The following STXBP6 variants were observed in gnomAD, a reference collection of about 807,000 sequenced individuals.
STXBP6 encodes syntaxin-binding protein 6.
In STXBP6, 21 loss-of-function variants were observed where a neutral mutation model predicts 26.9. The observed-to-expected ratio is 0.78, with a 90% CI of 0.55 to 1.12. STXBP6 has a LOEUF of 1.12. Ranked by LOEUF, STXBP6 falls within the 50% of genes most tolerant of loss-of-function variation. STXBP6 has a pLI of 0.00. For missense variants in STXBP6, 232 were observed against 257.9 expected, an observed-to-expected ratio of 0.90 and a Z score of 0.69; for synonymous variants, 97 against 92.6, an observed-to-expected ratio of 1.05 and a Z score of -0.27.
At chr14:24,960,828 C>T (rs74330991) in intron 2 of STXBP6, among the ~76,000 whole-genome samples, 26,422 of 152,214 alleles carry the variant, frequency 0.17, 2,429 homozygotes, top group African/African-American at 0.23. Context: ...GGAAAAGGAA[C>T]GTCAGAGAGA....
In STXBP6 at chr14:24,850,646, A is replaced by G. The variant is rs978857913; in HGVS notation, c.451+5290T>C. 5.3e-5 allele frequency among the ~76,000 whole-genome samples: 8 copies of G among 152,232 alleles called. 2 individuals carry two copies. The highest frequency in any genetic ancestry group is 3.9e-4 in the Admixed American group (6 of 15,278). On this transcript the variant is annotated intron_variant, in intron 4 of 5. Coordinates refer to ENST00000323944, the MANE Select transcript of STXBP6 (RefSeq NM_001394410.1). ...CCAGCTCAGCCATCCCCTTACTGTC[A>G]TGGCAATGTTTCACGTCTATTTACA... is the stretch of plus-strand genomic sequence containing the variant.
chr14:24,838,704 A>G (rs2068697937), intron 4 of STXBP6, among the ~76,000 whole-genome samples: 1 of 152,014 alleles, frequency 6.6e-6, no homozygotes, highest in Non-Finnish European at 1.5e-5. Context: ...GAGAAAAAAG[A>G]AAAAATGGCC....
At chr14:25,032,534 G>C (rs1036028201) in intron 1 of STXBP6, among the ~76,000 whole-genome samples, 1 of 152,160 alleles carries the variant, frequency 6.6e-6, no homozygotes, top group African/African-American at 2.4e-5. Flanking sequence ...AAGAAACACA[G>C]GCATTTACCT....
intron 2 of STXBP6, among the ~76,000 whole-genome samples, chr14:24,917,600 T>C (rs1204555748): frequency 7.9e-5 from 12 of 151,992 alleles, no homozygotes; most frequent in Non-Finnish European, 2.9e-5. Context: ...TATACAAAAA[T>C]TAACCTGAAT....
chr14:24,839,764 T>C (rs1384058973), intron 4 of STXBP6, among the ~76,000 whole-genome samples: 1 of 152,222 alleles, frequency 6.6e-6, no homozygotes, highest in East Asian at 1.9e-4. Flanking sequence ...TTATCCCTTC[T>C]TTACAAATGA....
intron 1 of STXBP6, among the ~76,000 whole-genome samples, chr14:24,990,245 C>T (rs1324193566): frequency 1.3e-5 from 2 of 152,192 alleles, no homozygotes; most frequent in African/African-American, 4.8e-5. Flanking sequence ...AAGCTTCCAA[C>T]TTCCTGATCT....
chr14:24,962,700 AT>A (rs1483739075), intron 2 of STXBP6, among the ~76,000 whole-genome samples: 2 of 152,102 alleles, frequency 1.3e-5, no homozygotes, highest in African/African-American at 4.8e-5. Context: ...AAATAAGTTA[AT>A]TTTTAGCTCA....
intron 4 of STXBP6, among the ~76,000 whole-genome samples, chr14:24,821,352 GA>G (rs2068126456): frequency 6.6e-6 from 1 of 152,196 alleles, no homozygotes; most frequent in African/African-American, 2.4e-5. Context: ...CGTGTTTCTG[GA>G]ATGAACCTAC....
intron 4 of STXBP6, among the ~76,000 whole-genome samples, chr14:24,847,942 C>CA (rs1360452373): frequency 1.3e-5 from 2 of 152,118 alleles, no homozygotes. Context: ...GCATAGCAAA[C>CA]AACTCAGCAT....
At chr14:24,882,054 A>G (rs2070376349) in intron 2 of STXBP6, among the ~76,000 whole-genome samples, 1 of 151,998 alleles carries the variant, frequency 6.6e-6, no homozygotes, top group African/African-American at 2.4e-5. Context: ...CTGCCCATCA[A>G]TGCCTACCCT....
intron 1 of STXBP6, among the ~76,000 whole-genome samples, chr14:24,977,196 G>A (rs2074072434): frequency 6.6e-6 from 1 of 151,948 alleles, no homozygotes; most frequent in South Asian, 2.1e-4. Flanking sequence ...TGCCTTCCCA[G>A]CTGTCATGGC....
chr14:25,048,783 T>A (rs975252586), intron 1 of STXBP6, among the ~76,000 whole-genome samples: 29 of 152,126 alleles, frequency 1.9e-4, no homozygotes, highest in African/African-American at 6.8e-4. Flanking sequence ...CTCTGACTAG[T>A]GTGCAGGCAA....
chr14:24,968,199 T>G (rs1185492396), intron 2 of STXBP6, among the ~76,000 whole-genome samples: 3 of 142,016 alleles, frequency 2.1e-5, no homozygotes, highest in Admixed American at 2.1e-4. Context: ...ATAAAATTAT[T>G]GCAGTTGCTT....
intron 1 of STXBP6, among the ~76,000 whole-genome samples, chr14:25,014,559 G>A (rs1300866924): frequency 6.6e-6 from 1 of 152,222 alleles, no homozygotes; most frequent in Non-Finnish European, 1.5e-5. Flanking sequence ...GTGAGATGCT[G>A]AGAGGCAAGC....
chr14:25,036,801 A>G (rs2075562002), intron 1 of STXBP6, among the ~76,000 whole-genome samples: 1 of 148,014 alleles, frequency 6.8e-6, no homozygotes, highest in African/African-American at 2.5e-5. Flanking sequence ...GCTTGCAGTG[A>G]GCCAAGATGG....
At chr14:24,948,368 G>A (rs915493150) in intron 2 of STXBP6, among the ~76,000 whole-genome samples, 2 of 151,696 alleles carry the variant, frequency 1.3e-5, no homozygotes, top group African/African-American at 4.8e-5. Context: ...TAAGTGCAGA[G>A]ATCTGATGTT....
At chr14:24,832,414 T>C (rs559510552) in intron 4 of STXBP6, among the ~76,000 whole-genome samples, 1 of 152,310 alleles carries the variant, frequency 6.6e-6, no homozygotes, top group South Asian at 2.1e-4. Context: ...GGGTATTTGG[T>C]GTGAATGAGC....
At chr14:25,025,223 T>G (rs1341697968) in intron 1 of STXBP6, among the ~76,000 whole-genome samples, 1 of 152,174 alleles carries the variant, frequency 6.6e-6, no homozygotes, top group African/African-American at 2.4e-5. Context: ...CCCACAACAC[T>G]TAGAGCAGAG....
At chr14:24,924,013 TA>T (rs1328486167) in intron 2 of STXBP6, among the ~76,000 whole-genome samples, 2 of 152,158 alleles carry the variant, frequency 1.3e-5, no homozygotes, top group South Asian at 2.1e-4. Context: ...AATTCCCACA[TA>T]TTTTTTTTTT....
Sources: allele counts gnomAD v4.1 joint callset (sites outside exome capture counted in the v4.1 genomes callset), GRCh38; gene constraint gnomAD v4.1.1; transcripts MANE v1.5; gene names NCBI Gene and HGNC (gene_info 2026-07-23, HGNC 2026-07-21).